The following ARHGAP22 variants were observed in gnomAD, a reference collection of about 807,000 sequenced individuals.
The protein encoded by ARHGAP22 is Rho GTPase activating protein 22.
ARHGAP22 carries 48 observed loss-of-function variants against 59.1 expected under a neutral mutation model. That is an observed-to-expected ratio of 0.81 (90% confidence interval 0.64 to 1.03). The LOEUF is 1.03. Among genes scored for constraint, ARHGAP22 ranks in the 50% least tolerant of loss-of-function variants. The pLI is 0.00. For missense variants in ARHGAP22, 1,015 were observed against 958.7 expected (o/e 1.06, Z -0.78); for synonymous variants, 445 against 416.4 (o/e 1.07, Z -0.84).
chr10:48,569,197 C>T (rs1422899973), intron 2 of ARHGAP22, among the ~76,000 whole-genome samples: 2 of 152,160 alleles, frequency 1.3e-5, no homozygotes, highest in Non-Finnish European at 2.9e-5. Flanking sequence ...CACAGGTTAG[C>T]CTGAGTAACA....
intron 3 of ARHGAP22, among the ~76,000 whole-genome samples, chr10:48,481,062 C>T (rs2049264997): frequency 6.6e-6 from 1 of 152,254 alleles, no homozygotes; most frequent in African/African-American, 2.4e-5. Context: ...GTGATAACCT[C>T]TGGAGCCCTT....
At chr10:48,651,171 A>G (rs1039504860) in intron 1 of ARHGAP22, among the ~76,000 whole-genome samples, 1 of 152,020 alleles carries the variant, frequency 6.6e-6, no homozygotes, top group Non-Finnish European at 1.5e-5. Context: ...CTGGAGGGGG[A>G]GCCTGGGAAT....
chr10:48,450,647 A>G lies in ARHGAP22; in HGVS notation c.1482T>C (p.Asn494=). The G allele has an allele frequency of 6.5e-7, 1 of 1,549,954 alleles. No individual in the cohort carries two copies. Among genetic ancestry groups the G allele is most frequent in the Non-Finnish European group, 8.7e-7 (1 of 1,146,950 alleles). Residue 494 remains asparagine (N), a synonymous_variant, in exon 9 of 10, where the codon AAT becomes AAC. Transcript: ENST00000249601. The part of the protein sequence containing the change: ...GSVQRLSTYD[N]VPAPGLVPGI... The stretch of plus-strand genomic sequence containing the variant: ...CGGGGACCAGGCCCGGCGCGGGCAC[A>G]TTGTCGTAGGTGGAGAGTCTCTGCA...
intron 3 of ARHGAP22, among the ~76,000 whole-genome samples, chr10:48,540,177 T>C (rs1381057497): frequency 6.6e-6 from 1 of 152,220 alleles, no homozygotes; most frequent in Admixed American, 6.5e-5. Flanking sequence ...CTAGCCATCT[T>C]TGCTTTTGAG....
intron 4 of ARHGAP22, among the ~76,000 whole-genome samples, chr10:48,473,688 C>A (rs866967500): frequency 6.6e-6 from 1 of 152,170 alleles, no homozygotes; most frequent in Non-Finnish European, 1.5e-5. Flanking sequence ...AAGAGGTGTG[C>A]CAGGTCATGC....
intron 8 of ARHGAP22, 68 bp from the exon 9 acceptor site, chr10:48,451,208 A>G: frequency 6.5e-6 from 10 of 1,544,716 alleles, no homozygotes; most frequent in Non-Finnish European, 8.8e-6. Flanking sequence ...TCTGCCAGTC[A>G]TGGAGAAGCT....
At chr10:48,626,843 A>G (rs1284570168) in intron 1 of ARHGAP22, among the ~76,000 whole-genome samples, 1 of 152,162 alleles carries the variant, frequency 6.6e-6, no homozygotes, top group East Asian at 1.9e-4. Context: ...AGGCAAGGTT[A>G]AGGAGGTGAC....
the ARHGAP22 span, chr10:48,439,326 A>G: frequency 1.3e-5 from 2 of 150,530 alleles, no homozygotes; most frequent in Non-Finnish European, 3.0e-5. Context: ...AATATTTTAA[A>G]TAAAAAAGAA....
chr10:48,459,898 A>C lies in ARHGAP22; in HGVS notation c.452-7T>G. On this transcript the variant is annotated splice_polypyrimidine_tract_variant and splice_region_variant and intron_variant, in intron 4 of 9. Coordinates refer to ENST00000249601, the MANE Select transcript of ARHGAP22 (RefSeq NM_021226.4). The stretch of plus-strand genomic sequence containing the variant: ...AGGCGCTGCCCAAAGATCCCTGAGC[A>C]CAGAGAGGAGCTAGTCACACCCTCC... 1 of 1,610,836 alleles carries C rather than the reference A, an allele frequency of 6.2e-7. No individual in the cohort carries two copies. The highest frequency in any genetic ancestry group is 8.5e-7 in the Non-Finnish European group (1 of 1,179,282).
At chr10:48,529,806 TAC>T (rs2054648104) in intron 3 of ARHGAP22, among the ~76,000 whole-genome samples, 1 of 152,152 alleles carries the variant, frequency 6.6e-6, no homozygotes, top group Non-Finnish European at 1.5e-5. Context: ...GCCAAATACT[TAC>T]AGTCAATTGA....
intron 3 of ARHGAP22, among the ~76,000 whole-genome samples, chr10:48,508,111 G>A (rs1019433011): frequency 2.0e-5 from 3 of 152,094 alleles, no homozygotes; most frequent in Admixed American, 6.5e-5. Flanking sequence ...TTACTGAGGC[G>A]GGTTTTGTTC....
At chr10:48,558,554 A>T (rs1365143465) in intron 2 of ARHGAP22, among the ~76,000 whole-genome samples, 7 of 151,900 alleles carry the variant, frequency 4.6e-5, no homozygotes, top group African/African-American at 1.5e-4. Context: ...TTCAGTAGAA[A>T]CGGGGTTTCC....
chr10:48,618,823 A>G (rs1042827265), intron 1 of ARHGAP22, among the ~76,000 whole-genome samples: 17 of 152,138 alleles, frequency 1.1e-4, no homozygotes, highest in Non-Finnish European at 2.5e-4. Flanking sequence ...GTTATTTAAC[A>G]TAGTACTGGA....
intron 3 of ARHGAP22, among the ~76,000 whole-genome samples, chr10:48,492,124 AGG>A: frequency 1.3e-5 from 2 of 152,338 alleles, no homozygotes; most frequent in East Asian, 3.9e-4. Flanking sequence ...AAAAGAAAAA[AGG>A]GTAACTGATA....
At chr10:48,451,867 A>G (rs969492311) in intron 8 of ARHGAP22, among the ~76,000 whole-genome samples, 2 of 150,782 alleles carry the variant, frequency 1.3e-5, no homozygotes, top group African/African-American at 4.9e-5. Flanking sequence ...GCCCCTACAC[A>G]CACACAAGTG....
intron 3 of ARHGAP22, among the ~76,000 whole-genome samples, chr10:48,544,152 T>C (rs943189821): frequency 8.0e-5 from 12 of 150,390 alleles, no homozygotes; most frequent in Non-Finnish European, 1.2e-4. Flanking sequence ...CTGGGTGGGG[T>C]CAGGGGAGAA....
At chr10:48,451,687 AC>A (rs2045974397) in intron 8 of ARHGAP22, 4 of 599,798 alleles carry the variant, frequency 6.7e-6, no homozygotes, top group Non-Finnish European at 1.2e-5. Flanking sequence ...AATCACACGT[AC>A]AATGCACCCC....
chr10:48,494,789 C>T (rs1306510156), intron 3 of ARHGAP22, among the ~76,000 whole-genome samples: 1 of 152,160 alleles, frequency 6.6e-6, no homozygotes, highest in African/African-American at 2.4e-5. Flanking sequence ...TCCCTCGGAC[C>T]ACCTCTCCTC....
intron 3 of ARHGAP22, among the ~76,000 whole-genome samples, chr10:48,528,373 G>C (rs2054524168): frequency 1.3e-5 from 2 of 152,178 alleles, no homozygotes; most frequent in South Asian, 2.1e-4. Context: ...AGCCTATAAT[G>C]ATCATTCTTT....
Sources: gnomAD v4.1 joint callset for allele counts (sites outside exome capture counted in the v4.1 genomes callset) on GRCh38, gnomAD v4.1.1 for gene constraint, MANE v1.5 for transcripts, NCBI Gene and HGNC (gene_info 2026-07-23, HGNC 2026-07-21) for gene names.